PLEKHG4B: variants seen among roughly 807,000 people sequenced by gnomAD.
PLEKHG4B encodes the protein pleckstrin homology domain-containing family G member 4B.
A neutral mutation model predicts 121.3 loss-of-function variants in PLEKHG4B; 111 were observed. That is an observed-to-expected ratio of 0.92 (90% CI 0.78 to 1.07). PLEKHG4B has a LOEUF of 1.07. Ranked by LOEUF, PLEKHG4B falls within the 50% of genes least tolerant of loss-of-function variation. The pLI, the probability that PLEKHG4B is intolerant of heterozygous loss-of-function variation, is 0.00. For synonymous variants in PLEKHG4B, 738 were observed against 725.0 expected, an observed-to-expected ratio of 1.02 and a Z score of -0.29; for missense variants, 1,831 against 1,757.8, an observed-to-expected ratio of 1.04 and a Z score of -0.74.
In PLEKHG4B at chr5:118,064, A is replaced by G. The variant is rs1319791325; in HGVS notation, c.243+4616A>G. Reference sequence around the variant, plus strand: ...ACACGAGTCTAAAAAATAATAGACCAGCAACATTCAAAGGATTACTGGTGT... The same window carrying G: ...ACACGAGTCTAAAAAATAATAGACCGGCAACATTCAAAGGATTACTGGTGT... On this transcript the variant is annotated intron_variant, in intron 2 of 19. Coordinates refer to ENST00000637938, the MANE Select transcript of PLEKHG4B (RefSeq NM_052909.5). Among the ~76,000 whole-genome samples the G allele has an allele frequency of 2.6e-5, 4 of 152,236 alleles. No homozygotes were observed. In the East Asian group the frequency reaches 5.8e-4, roughly 22 times the overall value.
intron 2 of PLEKHG4B, among the ~76,000 whole-genome samples, chr5:136,481 C>T (rs116782559): frequency 6.8e-4 from 104 of 152,176 alleles, no homozygotes; most frequent in Middle Eastern, 3.4e-3. Context: ...ACAAAAATAA[C>T]GCAAATCAAA....
chr5:180,772 C>T (rs1270397725), intron 18 of PLEKHG4B, among the ~76,000 whole-genome samples: 1 of 152,198 alleles, frequency 6.6e-6, no homozygotes, highest in Non-Finnish European at 1.5e-5. Context: ...TGCCCAACTC[C>T]AAGCCCTGTG....
chr5:155,172 G>T (rs202114812), intron 8 of PLEKHG4B, among the ~76,000 whole-genome samples, 173 bp from the exon 9 acceptor site: 3 of 152,202 alleles, frequency 2.0e-5, no homozygotes, highest in Non-Finnish European at 4.4e-5. Flanking sequence ...TGCCGAGCCC[G>T]GGTGGGAAGG....
intron 1 of PLEKHG4B, among the ~76,000 whole-genome samples, chr5:108,410 G>A (rs1369955608): frequency 6.6e-6 from 1 of 152,230 alleles, no homozygotes; most frequent in African/African-American, 2.4e-5. Flanking sequence ...CCAGCGGAGA[G>A]GGTCAAGAAT....
At chr5:171,566 AG>A (rs1736555939) in intron 16 of PLEKHG4B, 122 bp downstream of exon 16, 2 of 1,001,344 alleles carry the variant, frequency 2.0e-6, no homozygotes, top group Non-Finnish European at 2.9e-6. Context: ...GCCCCGGAGA[AG>A]TCCCTCAAAG....
intron 2 of PLEKHG4B, among the ~76,000 whole-genome samples, chr5:114,492 C>T (rs1734247514): frequency 6.6e-6 from 1 of 152,130 alleles, no homozygotes; most frequent in Admixed American, 6.5e-5. Flanking sequence ...GAGTCTTGCT[C>T]TGTCACCCAG....
At chr5:140,946 A>C (rs1474773067) in intron 3 of PLEKHG4B, among the ~76,000 whole-genome samples, 2 of 11,352 alleles carry the variant, frequency 1.8e-4, no homozygotes, top group African/African-American at 7.2e-4. Flanking sequence ...TGCACACCCC[A>C]CAACCTCCCC....
At chr5:169,088 C>G in intron 13 of PLEKHG4B, 1 of 502,356 alleles carries the variant, frequency 2.0e-6, no homozygotes, top group East Asian at 3.7e-5. Context: ...GTTGGCCAGG[C>G]TGGTCTCGAT....
At position 181,688 on chromosome 5, in the gene PLEKHG4B, G is replaced by A. The variant is rs372366950; in HGVS notation, c.4564+13G>A. 45 of 1,607,762 alleles carry A rather than the reference G, an allele frequency of 2.8e-5. No individual in the cohort carries two copies. Among genetic ancestry groups the A allele is most frequent in the Admixed American group, 3.3e-5 (2 of 59,758 alleles). On this transcript the variant is annotated intron_variant, in intron 19 of 19. Coordinates refer to ENST00000637938, the MANE Select transcript of PLEKHG4B (RefSeq NM_052909.5). ...GTCAAGGGCACAGGTACGGTGGCTC[G>A]GTCCCGCCCTCACTCACCCTGCAGA...
intron 13 of PLEKHG4B, among the ~76,000 whole-genome samples, chr5:165,529 C>T (rs1254367668): frequency 1.1e-4 from 4 of 34,860 alleles, no homozygotes; most frequent in Admixed American, 2.7e-4. Flanking sequence ...AATGCTCTGA[C>T]GGGGCGGGGC....
At chr5:118,773 A>G (rs1734378592) in intron 2 of PLEKHG4B, among the ~76,000 whole-genome samples, 1 of 151,826 alleles carries the variant, frequency 6.6e-6, no homozygotes, top group Non-Finnish European at 1.5e-5. Flanking sequence ...TTGCTCCCCA[A>G]CACTTTGTCT....
chr5:110,093 T>C (rs1337365216), intron 1 of PLEKHG4B, among the ~76,000 whole-genome samples: 6 of 115,272 alleles, frequency 5.2e-5, no homozygotes, highest in African/African-American at 1.0e-4. Flanking sequence ...TGCACACACC[T>C]GTACAATCTG....
At chr5:160,716 A>G (rs1387779875) in intron 11 of PLEKHG4B, among the ~76,000 whole-genome samples, 3 of 152,094 alleles carry the variant, frequency 2.0e-5, no homozygotes, top group African/African-American at 4.8e-5. Context: ...TTATTAGTGT[A>G]TTTCATCATA....
chr5:100,072 C>A (rs1046799070), intron 1 of PLEKHG4B, among the ~76,000 whole-genome samples: 1 of 152,058 alleles, frequency 6.6e-6, no homozygotes, highest in Non-Finnish European at 1.5e-5. Context: ...GGAATAATTA[C>A]CACTTGGTCA....
At chr5:169,720 C>T (rs1736479645) in intron 14 of PLEKHG4B, 128 bp downstream of exon 14, 1 of 1,373,948 alleles carries the variant, frequency 7.3e-7, no homozygotes, top group Non-Finnish European at 9.8e-7. Flanking sequence ...GGAGCTGGTC[C>T]TGACAGGATG....
At chr5:115,924 C>T (rs1015173009) in intron 2 of PLEKHG4B, among the ~76,000 whole-genome samples, 1 of 152,196 alleles carries the variant, frequency 6.6e-6, no homozygotes, top group Non-Finnish European at 1.5e-5. Context: ...TCTTTCATAT[C>T]ATTTGTGTGT....
rs1171995632 is a variant in PLEKHG4B at position 159,455 on chromosome 5, C to G, written c.2488-2328C>G. 1.3e-5 allele frequency among the ~76,000 whole-genome samples: 2 copies of G among 152,220 alleles called. No homozygotes were observed. Among genetic ancestry groups the G allele is most frequent in the African/African-American group, 4.8e-5 (2 of 41,456 alleles). On this transcript the variant is annotated intron_variant, in intron 11 of 19. Coordinates refer to ENST00000637938, the MANE Select transcript of PLEKHG4B (RefSeq NM_052909.5). This position sits in a 1 kb window ranked among gnomAD's most constrained non-coding sequence, Gnocchi z 5.5. ...TCCTGTTGCCTTAATTTTCCCCACC[C>G]CTGGCTGTGTGCTGTCCTTGTAAGG...
chr5:155,138 A>G (rs1429658854), intron 8 of PLEKHG4B, 147 bp downstream of exon 8: 4 of 869,124 alleles, frequency 4.6e-6, no homozygotes, highest in South Asian at 3.1e-5. Context: ...TGTCTACACA[A>G]CCACGCCGTG....
intron 5 of PLEKHG4B, 57 bp downstream of exon 5, chr5:143,560 T>C (rs2126406075): frequency 6.3e-7 from 1 of 1,590,940 alleles, no homozygotes; most frequent in Non-Finnish European, 8.6e-7. Context: ...GCTGCATGTG[T>C]GTGGCAAAGT....
Sources: gnomAD v4.1 joint callset for allele counts (sites outside exome capture counted in the v4.1 genomes callset) on GRCh38, gnomAD v4.1.1 for gene constraint, Gnocchi (gnomAD v3.1) non-coding constraint, MANE v1.5 for transcripts, NCBI Gene and HGNC (gene_info 2026-07-23, HGNC 2026-07-21) for gene names.